Variants in CACNA2D3 observed in about 807,000 individuals in gnomAD.
The protein encoded by CACNA2D3 is calcium voltage-gated channel auxiliary subunit alpha2delta 3.
In CACNA2D3, 60 loss-of-function variants were observed where a neutral mutation model predicts 160.6. The observed-to-expected ratio is 0.37, with a 90% confidence interval of 0.30 to 0.46. The LOEUF (loss-of-function observed/expected upper bound fraction) is 0.46. Ranked by LOEUF, CACNA2D3 falls within the 20% of genes least tolerant of loss-of-function variation. The pLI, the probability that CACNA2D3 is intolerant of heterozygous loss-of-function variation, is 1.00. For synonymous variants in CACNA2D3, 558 were observed against 492.9 expected, an observed-to-expected ratio of 1.13 and a Z score of -1.75; for missense variants, 1,205 against 1,365.0, an observed-to-expected ratio of 0.88 and a Z score of 1.85.
chr3:54,548,391 A>T (rs1702099127), intron 5 of CACNA2D3, among the ~76,000 whole-genome samples: 1 of 152,208 alleles, frequency 6.6e-6, no homozygotes, highest in African/African-American at 2.4e-5. Flanking sequence ...TCTACCTGAA[A>T]TCACTGACAT....
intron 5 of CACNA2D3, among the ~76,000 whole-genome samples, chr3:54,533,726 C>T (rs1265439329): frequency 5.3e-5 from 8 of 151,930 alleles, no homozygotes; most frequent in Admixed American, 5.2e-4. Context: ...TATTGGTGCT[C>T]TAAGGTCTTT....
chr3:54,144,328 A>G (rs907555214), intron 2 of CACNA2D3, among the ~76,000 whole-genome samples: 13 of 152,220 alleles, frequency 8.5e-5, no homozygotes, highest in African/African-American at 3.1e-4. Flanking sequence ...CAGTGTAAAC[A>G]GTGCTCTGAT....
In CACNA2D3 at chr3:54,360,331, A is replaced by G. The variant is rs142640131; in HGVS notation, c.322-26384A>G. 7.2e-4 allele frequency among the ~76,000 whole-genome samples: 110 copies of G among 152,324 alleles called. No homozygotes were observed. The Middle Eastern group carries it at 0.01, about 14-fold the overall frequency. On this transcript the variant is annotated intron_variant, in intron 3 of 37. Transcript: ENST00000474759. ...CAGTTTCTTCAAACAGATGAATGAAAAACTATATATGCAAACAAAATTGCA... is the reference window on the plus strand; with the variant it reads ...CAGTTTCTTCAAACAGATGAATGAAGAACTATATATGCAAACAAAATTGCA...
At chr3:54,524,945 G>A (rs564581127) in intron 5 of CACNA2D3, among the ~76,000 whole-genome samples, 1 of 152,014 alleles carries the variant, frequency 6.6e-6, no homozygotes, top group South Asian at 2.1e-4. Flanking sequence ...TAAAAATCTA[G>A]TCTGAAAAAT....
chr3:54,462,750 T>C (rs572631099), intron 4 of CACNA2D3, among the ~76,000 whole-genome samples: 68 of 152,346 alleles, frequency 4.5e-4, no homozygotes, highest in Non-Finnish European at 7.9e-4. Flanking sequence ...CTGTGTCTTT[T>C]AATTGGAGCA....
intron 4 of CACNA2D3, among the ~76,000 whole-genome samples, chr3:54,475,564 G>C (rs183383842): frequency 0.011 from 1,676 of 152,142 alleles, 29 homozygotes; most frequent in Admixed American, 0.046. Flanking sequence ...TGGGATGATG[G>C]GAGAGCTGCT....
chr3:54,153,761 T>G (rs926587645), intron 2 of CACNA2D3, among the ~76,000 whole-genome samples: 1 of 152,246 alleles, frequency 6.6e-6, no homozygotes, highest in African/African-American at 2.4e-5. Context: ...TATTTTTATT[T>G]TATTATTTTT....
rs9863713 is a variant in CACNA2D3, at chr3:54,137,716, A to G, written c.204+14122A>G. The stretch of plus-strand genomic sequence containing the variant: ...AGGCTGGTATTTTGTACTTTATTCT[A>G]TTATAGTCTATTCAACGCAAGTTGA... On this transcript the variant is annotated intron_variant, in intron 2 of 37. Coordinates refer to ENST00000474759, the MANE Select transcript of CACNA2D3 (RefSeq NM_018398.3). Among the ~76,000 whole-genome samples, 1,127 of 152,210 alleles carry G rather than the reference A, an allele frequency of 7.4e-3. 14 individuals carry two copies. Among genetic ancestry groups the G allele is most frequent in the African/African-American group, 0.026 (1,082 of 41,548 alleles).
At chr3:54,410,089 A>T (rs1187344094) in intron 4 of CACNA2D3, among the ~76,000 whole-genome samples, 1 of 152,154 alleles carries the variant, frequency 6.6e-6, no homozygotes, top group East Asian at 1.9e-4. Flanking sequence ...GGTGGCTCAC[A>T]CCTGTAATCC....
intron 13 of CACNA2D3, among the ~76,000 whole-genome samples, chr3:54,811,483 T>A (rs1414412970): frequency 2.7e-5 from 3 of 109,128 alleles, no homozygotes; most frequent in African/African-American, 8.1e-5. Flanking sequence ...TTTTTTTTTT[T>A]TTTTTTTTTT....
At chr3:54,418,426 A>G (rs942304380) in intron 4 of CACNA2D3, among the ~76,000 whole-genome samples, 1 of 152,184 alleles carries the variant, frequency 6.6e-6, no homozygotes, top group Non-Finnish European at 1.5e-5. Context: ...GCCAGAGGAA[A>G]AGGAGGAATT....
chr3:55,005,669 A>G (rs1703079253), intron 32 of CACNA2D3, among the ~76,000 whole-genome samples: 2 of 152,180 alleles, frequency 1.3e-5, no homozygotes, highest in South Asian at 4.1e-4. Flanking sequence ...TGGCTTTCAG[A>G]TGGCCAGAAA....
intron 4 of CACNA2D3, among the ~76,000 whole-genome samples, chr3:54,410,954 T>C (rs1699658241): frequency 6.6e-6 from 1 of 152,204 alleles, no homozygotes; most frequent in Admixed American, 6.5e-5. Flanking sequence ...ACTATCAGCA[T>C]TAACAAGAAT....
chr3:54,666,898 G>A (rs1253367284), intron 11 of CACNA2D3, among the ~76,000 whole-genome samples: 1 of 152,138 alleles, frequency 6.6e-6, no homozygotes, highest in East Asian at 1.9e-4. Context: ...CGTCACCTGG[G>A]GCAGCAGAAT....
chr3:54,565,639 A>C (rs967821377), intron 6 of CACNA2D3, among the ~76,000 whole-genome samples: 4 of 152,168 alleles, frequency 2.6e-5, no homozygotes, highest in African/African-American at 9.7e-5. Flanking sequence ...CTGAAATTTA[A>C]ATGTTATTTA....
At chr3:54,257,503 C>T (rs559353658) in intron 2 of CACNA2D3, among the ~76,000 whole-genome samples, 13 of 152,056 alleles carry the variant, frequency 8.5e-5, no homozygotes, top group African/African-American at 2.2e-4. Flanking sequence ...TTTTTCCCTA[C>T]GCTTTTAGGT....
intron 17 of CACNA2D3, among the ~76,000 whole-genome samples, chr3:54,870,671 A>G (rs946212443): frequency 6.6e-6 from 1 of 152,160 alleles, no homozygotes; most frequent in Non-Finnish European, 1.5e-5. Flanking sequence ...AACTAAAACC[A>G]CTTCCCCAGT....
At chr3:54,345,817 A>C (rs1698447194) in intron 3 of CACNA2D3, among the ~76,000 whole-genome samples, 1 of 149,640 alleles carries the variant, frequency 6.7e-6, no homozygotes, top group African/African-American at 2.5e-5. Context: ...ATTAGTTCCA[A>C]GTCTCTCTTG....
chr3:55,064,297 C>T (rs924167971), intron 35 of CACNA2D3, among the ~76,000 whole-genome samples: 4 of 152,196 alleles, frequency 2.6e-5, no homozygotes, highest in South Asian at 2.1e-4. Flanking sequence ...TCAGGGTGGG[C>T]GGGAGGTTTG....
Sources: allele counts gnomAD v4.1 joint callset (sites outside exome capture counted in the v4.1 genomes callset), GRCh38; gene constraint gnomAD v4.1.1; transcripts MANE v1.5; gene names NCBI Gene and HGNC (gene_info 2026-07-23, HGNC 2026-07-21).